Variants in ZDHHC6 observed in about 807,000 individuals in gnomAD.
ZDHHC6 encodes the protein palmitoyltransferase ZDHHC6.
ZDHHC6 carries 32 observed loss-of-function variants against 57.8 expected under a neutral mutation model. The ratio of observed to expected loss-of-function variants is 0.55; its 90% confidence interval spans 0.42 to 0.74. The LOEUF is 0.74. Among genes scored for constraint, ZDHHC6 ranks in the 30% least tolerant of loss-of-function variants. The pLI is 0.00. For synonymous variants in ZDHHC6, 128 were observed against 158.0 expected (o/e 0.81, Z 1.42); for missense variants, 433 against 500.7 (o/e 0.86, Z 1.29).
chr10:112,441,477 A>C (rs1188365223), intron 4 of ZDHHC6, among the ~76,000 whole-genome samples: 1 of 152,262 alleles, frequency 6.6e-6, no homozygotes, highest in Non-Finnish European at 1.5e-5. Flanking sequence ...CCTGGCCTGC[A>C]TAATGTTTCA....
chr10:112,445,338 T>C lies in ZDHHC6; in HGVS notation c.99A>G (p.Ile33Met). 2 of 1,614,220 alleles carry C rather than the reference T, an allele frequency of 1.2e-6. No individual in the cohort carries two copies. Among genetic ancestry groups the C allele is most frequent in the Non-Finnish European group, 8.5e-7 (1 of 1,180,044 alleles). Residue 33 changes from isoleucine (I) to methionine (M), a missense_variant, in exon 2 of 11, where the codon ATA (isoleucine) becomes ATG (methionine). Physicochemically the swap from Ile to Met is conservative, Grantham distance 10 (BLOSUM62 1). Coordinates refer to ENST00000369405, the MANE Select transcript of ZDHHC6 (RefSeq NM_022494.3). Reference protein sequence around the residue: ...GPIIALGVIAICSTMAMIDSV... With the variant: ...GPIIALGVIAMCSTMAMIDSV... The stretch of plus-strand genomic sequence containing the variant: ...AGTCAATCATGGCCATGGTAGAACA[T>C]ATTGCTATAACACCAAGGGCTATGA...
downstream of ZDHHC6, chr10:112,426,345 C>T (rs1194225396): frequency 6.2e-7 from 1 of 1,614,034 alleles, no homozygotes; most frequent in Non-Finnish European, 8.5e-7. Flanking sequence ...CTTTGAGGAA[C>T]TGTGCCAAAA....
chr10:112,437,251 A>G (rs1484725149), intron 6 of ZDHHC6, among the ~76,000 whole-genome samples: 1 of 152,166 alleles, frequency 6.6e-6, no homozygotes, highest in Non-Finnish European at 1.5e-5. Context: ...CAATTTTGGG[A>G]TATTGTATAA....
At chr10:112,424,501 T>C (rs1018082916) in exon 12 of ZDHHC6, 2 of 152,222 alleles carry the variant, frequency 1.3e-5, no homozygotes, top group African/African-American at 4.8e-5. Flanking sequence ...AGTAACAGAA[T>C]TAAATAACAC....
intron 6 of ZDHHC6, among the ~76,000 whole-genome samples, chr10:112,437,802 T>G (rs570915171): frequency 6.6e-6 from 1 of 152,328 alleles, no homozygotes; most frequent in Admixed American, 6.5e-5. Context: ...CTGCAGGTAT[T>G]TGGGTTTCAA....
chr10:112,437,920 A>G (rs543303041), intron 6 of ZDHHC6, among the ~76,000 whole-genome samples: 1 of 152,346 alleles, frequency 6.6e-6, no homozygotes, highest in Non-Finnish European at 1.5e-5. Flanking sequence ...AGTATTGGAC[A>G]TTGTGAGGTC....
At position 112,430,594 on chromosome 10, in the gene ZDHHC6, G is replaced by A. The variant is rs2290965; in HGVS notation, c.*210C>T. 1.9e-5 allele frequency: 8 copies of A among 421,144 alleles called. No individual in the cohort carries two copies. Among genetic ancestry groups the A allele is most frequent in the Non-Finnish European group, 3.4e-5 (8 of 237,128 alleles). The allele number at this position is 421,144 out of a possible 1,614,324, so 26.1% of individuals were successfully genotyped here. A position where few individuals can be genotyped will look rare whatever the true frequency, so the allele number is the denominator to read the frequency against. On this transcript the variant is annotated 3_prime_UTR_variant, in exon 11 of 11. Transcript: ENST00000369405. ...GTTTTTCCTTTGAGGGGGAGGAAGAGGTGGTAAAGAGGGGCAGGAATTCAA... is the reference window on the plus strand; with the variant it reads ...GTTTTTCCTTTGAGGGGGAGGAAGAAGTGGTAAAGAGGGGCAGGAATTCAA...
chr10:112,437,460 T>TA (rs939466366), intron 6 of ZDHHC6, among the ~76,000 whole-genome samples: 6 of 152,198 alleles, frequency 3.9e-5, no homozygotes, highest in African/African-American at 1.4e-4. Flanking sequence ...TTCAATGTAA[T>TA]ACGGAAGAAC....
chr10:112,437,522 CTACT>C (rs1263681281), intron 6 of ZDHHC6, among the ~76,000 whole-genome samples: 5 of 152,118 alleles, frequency 3.3e-5, no homozygotes, highest in Non-Finnish European at 7.4e-5. Context: ...CCTTTTCTAC[CTACT>C]TATCTGTGTG....
At chr10:112,427,278 A>C (rs1485352951), downstream of ZDHHC6, 19 of 1,613,766 alleles carry the variant, frequency 1.2e-5, no homozygotes, top group Non-Finnish European at 1.5e-5. Flanking sequence ...CTTGACACCA[A>C]CATTGAAAGC....
At chr10:112,430,994 AAT>A in intron 10 of ZDHHC6, 87 bp from the exon 11 acceptor site, 1 of 1,101,180 alleles carries the variant, frequency 9.1e-7, no homozygotes, top group Non-Finnish European at 1.3e-6. Context: ...ACTTCAAATT[AAT>A]AAGCTTGTAG....
chr10:112,447,476 C>G (rs1291135931), upstream of ZDHHC6: 4 of 1,612,568 alleles, frequency 2.5e-6, no homozygotes, highest in South Asian at 4.4e-5. Flanking sequence ...TGGTGAGAGC[C>G]TTGCCCGGCT....
In ZDHHC6 at chr10:112,445,368, A is replaced by AC; in HGVS notation, c.68dup (p.Pro24SerfsTer18). ...CTATAACACCAAGGGCTATGATGGG[A>AC]CCCCAGTGACACAGTCTCTTTAATT... On this transcript the variant is annotated frameshift_variant, in exon 2 of 11. Coordinates refer to ENST00000369405, the MANE Select transcript of ZDHHC6 (RefSeq NM_022494.3). LOFTEE classifies it high-confidence loss of function. 2 of 1,614,190 alleles carry AC rather than the reference A, an allele frequency of 1.2e-6. No individual in the cohort carries two copies. The highest frequency in any genetic ancestry group is 1.7e-6 in the Non-Finnish European group (2 of 1,180,022).
intron 6 of ZDHHC6, among the ~76,000 whole-genome samples, chr10:112,437,225 T>C (rs777748132): frequency 1.3e-5 from 2 of 152,160 alleles, no homozygotes; most frequent in Non-Finnish European, 2.9e-5. Context: ...AAATGATATA[T>C]TGATATACGT....
downstream of ZDHHC6, chr10:112,425,459 T>C (rs1844632758): frequency 6.2e-7 from 1 of 1,612,886 alleles, no homozygotes. Flanking sequence ...TTACAAATTT[T>C]TGTACACGGG....
In ZDHHC6 at chr10:112,432,231, T is replaced by C. The variant is rs757940467; in HGVS notation, c.1138+9A>G. On this transcript the variant is annotated intron_variant, in intron 10 of 10. Coordinates refer to ENST00000369405, the MANE Select transcript of ZDHHC6 (RefSeq NM_022494.3). ...CTTGTCCTTTAAACATGCCCTTCCA[T>C]TTCCATACCTTCTATAAAGGAATCA... 1.9e-6 allele frequency: 3 copies of C among 1,597,170 alleles called. No individual in the cohort carries two copies. The highest frequency in any genetic ancestry group is 2.6e-6 in the Non-Finnish European group (3 of 1,175,576).
Position 112,430,533 on chromosome 10 carries a change from C to T in ZDHHC6, c.*271G>A, listed in dbSNP as rs2290963. On this transcript the variant is annotated 3_prime_UTR_variant, in exon 11 of 11. Coordinates refer to ENST00000369405, the MANE Select transcript of ZDHHC6 (RefSeq NM_022494.3). ...CAGAGTGTGCAGTGCATAAGAAAAT[C>T]CTACAGAAAATGCCGTTAACTTACT... is the stretch of plus-strand genomic sequence containing the variant. The T allele has an allele frequency of 1.3e-5, 4 of 307,146 alleles. No homozygotes were observed. In the East Asian group the frequency reaches 2.9e-4, roughly 22 times the overall value. 19.0% of individuals were successfully genotyped at this position (307,146 alleles called of 1,614,324 possible).
intron 6 of ZDHHC6, among the ~76,000 whole-genome samples, chr10:112,438,060 C>A (rs1315995734): frequency 1.3e-5 from 2 of 152,218 alleles, no homozygotes; most frequent in African/African-American, 4.8e-5. Context: ...AGACAACAAA[C>A]AGATGGTTTG....
intron 1 of ZDHHC6, among the ~76,000 whole-genome samples, chr10:112,445,940 T>G (rs1846625206): frequency 6.6e-6 from 1 of 152,218 alleles, no homozygotes; most frequent in South Asian, 2.1e-4. Flanking sequence ...GTGAATAGTT[T>G]GAGAAGACAA....
Sources: allele counts gnomAD v4.1 joint callset (sites outside exome capture counted in the v4.1 genomes callset), GRCh38; gene constraint gnomAD v4.1.1; transcripts MANE v1.5; gene names NCBI Gene and HGNC (gene_info 2026-07-23, HGNC 2026-07-21).